Variants in FAM168A observed in about 807,000 individuals in gnomAD.
The protein encoded by FAM168A is family with sequence similarity 168 member A, also known as protein FAM168A.
In FAM168A, 3 loss-of-function variants were observed where a neutral mutation model predicts 28.5. The observed-to-expected ratio is 0.11, with a 90% CI of 0.05 to 0.27. The LOEUF is 0.27. Ranked by LOEUF, FAM168A falls within the 10% of genes least tolerant of loss-of-function variation. FAM168A has a pLI of 1.00. For missense variants in FAM168A, 222 were observed against 311.5 expected (o/e 0.71, Z 2.16); for synonymous variants, 122 against 124.2 (o/e 0.98, Z 0.12).
At chr11:73,493,117 A>C (rs1035090248) in intron 1 of FAM168A, among the ~76,000 whole-genome samples, 1 of 152,116 alleles carries the variant, frequency 6.6e-6, no homozygotes, top group African/African-American at 2.4e-5. Flanking sequence ...AACTTCAGCA[A>C]CATGCAATGT....
chr11:73,486,415 T>C (rs1379818937), intron 1 of FAM168A, among the ~76,000 whole-genome samples: 1 of 152,224 alleles, frequency 6.6e-6, no homozygotes, highest in Non-Finnish European at 1.5e-5. Flanking sequence ...ATTCTGTCTC[T>C]AAATTTAACT....
At chr11:73,537,549 A>T (rs2134672562) in intron 1 of FAM168A, among the ~76,000 whole-genome samples, 1 of 152,278 alleles carries the variant, frequency 6.6e-6, no homozygotes, top group South Asian at 2.1e-4. Context: ...AGCTGTTCCC[A>T]AAAGGCAATT....
At chr11:73,506,332 TAAG>T (rs1347746665) in intron 1 of FAM168A, among the ~76,000 whole-genome samples, 4 of 150,540 alleles carry the variant, frequency 2.7e-5, no homozygotes, top group South Asian at 2.1e-4. Flanking sequence ...TCTATAGAAA[TAAG>T]AAGAAAGGAG....
chr11:73,488,526 A>C (rs958848005), intron 1 of FAM168A, among the ~76,000 whole-genome samples: 1 of 152,066 alleles, frequency 6.6e-6, no homozygotes, highest in Non-Finnish European at 1.5e-5. Context: ...TCTCACTCTC[A>C]ACTAGTGATT....
chr11:73,523,771 T>C (rs1298072242), intron 1 of FAM168A, among the ~76,000 whole-genome samples: 5 of 152,124 alleles, frequency 3.3e-5, no homozygotes, highest in Non-Finnish European at 7.4e-5. Flanking sequence ...CTATCTCATT[T>C]AGGTATATCA....
chr11:73,445,883 A>T (rs1237460426), intron 2 of FAM168A, among the ~76,000 whole-genome samples: 1 of 152,200 alleles, frequency 6.6e-6, no homozygotes, highest in Non-Finnish European at 1.5e-5. Context: ...TATTAAATGA[A>T]CATCTCCCAT....
rs1866461403 is a variant in FAM168A at position 73,404,195 on chromosome 11, T to TA, written c.*2567_*2568insT. The TA allele has an allele frequency of 6.6e-6, 1 of 152,194 alleles. No homozygotes were observed. Among genetic ancestry groups the TA allele is most frequent in the South Asian group, 2.1e-4 (1 of 4,816 alleles). The allele number at this position is 152,194 out of a possible 1,614,324, so 9.4% of individuals were successfully genotyped here. A position where few individuals can be genotyped will look rare whatever the true frequency, so the allele number is the denominator to read the frequency against. On this transcript the variant is annotated 3_prime_UTR_variant, in exon 8 of 8. Transcript: ENST00000356467. Reference sequence around the variant, plus strand: ...CAAAAGTTACAAGGTCATTCCTAGGTCTCCTCTTCTTCCTTTCTCCTCTCT... The same window carrying TA: ...CAAAAGTTACAAGGTCATTCCTAGGTACTCCTCTTCTTCCTTTCTCCTCTCT...
chr11:73,445,923 C>G (rs1867304299), intron 2 of FAM168A, among the ~76,000 whole-genome samples: 1 of 152,114 alleles, frequency 6.6e-6, no homozygotes, highest in African/African-American at 2.4e-5. Context: ...AACTGGGGCT[C>G]TAAGAGGTTA....
At chr11:73,573,745 G>A (rs1944137612) in intron 1 of FAM168A, among the ~76,000 whole-genome samples, 1 of 151,472 alleles carries the variant, frequency 6.6e-6, no homozygotes, top group Non-Finnish European at 1.5e-5. Context: ...TTGGCTGGAG[G>A]ACAGGAGTTC....
intron 1 of FAM168A, among the ~76,000 whole-genome samples, chr11:73,534,049 T>C (rs1220648626): frequency 2.6e-5 from 4 of 152,204 alleles, no homozygotes; most frequent in Non-Finnish European, 5.9e-5. Context: ...CCTTCAAACA[T>C]GGTAATACAT....
Position 73,409,543 on chromosome 11 carries a change from C to T in FAM168A, c.539G>A (p.Arg180Lys), listed in dbSNP as rs944283771. The change falls in exon 6 of 8, where the codon AGG becomes AAG. Residue 180 changes from arginine (R) to lysine (K), a missense_variant. Coordinates refer to ENST00000356467, the MANE Select transcript of FAM168A (RefSeq NM_015159.3). ...CATGCCCATGGCCACACCGTTGGTCCTCGGGGCGGCAACAGGTGCTGGGTA... is the reference window on the plus strand; with the variant it reads ...CATGCCCATGGCCACACCGTTGGTCTTCGGGGCGGCAACAGGTGCTGGGTA... ...AIYPAPVAAPRTNGVAMGMVA... is the reference protein window; with the variant it reads ...AIYPAPVAAPKTNGVAMGMVA... 1 of 1,613,978 alleles carries T rather than the reference C, an allele frequency of 6.2e-7. No individual in the cohort carries two copies. The highest frequency in any genetic ancestry group is 8.5e-7 in the Non-Finnish European group (1 of 1,179,924).
At chr11:73,409,313 T>G (rs1419751292) in intron 6 of FAM168A, among the ~76,000 whole-genome samples, 174 bp downstream of exon 6, 2 of 152,190 alleles carry the variant, frequency 1.3e-5, no homozygotes, top group Non-Finnish European at 2.9e-5. Context: ...TCCTTCTTGG[T>G]GAAATCTTCC....
In FAM168A at chr11:73,445,419, C is replaced by CTTTTTTTTTTT. The variant is rs56294455; in HGVS notation, c.71-14660_71-14650dup. On this transcript the variant is annotated intron_variant, in intron 2 of 7. Coordinates refer to ENST00000356467, the MANE Select transcript of FAM168A (RefSeq NM_015159.3). ...CCAGTAGATATATGTAAAAATGTCT[C>CTTTTTTTTTTT]TTTTTTTTTTTTTTTTTTTTTTTTT... is the stretch of plus-strand genomic sequence containing the variant. Among the ~76,000 whole-genome samples, 398 of 50,476 alleles carry CTTTTTTTTTTT rather than the reference C, an allele frequency of 7.9e-3. 42 individuals carry two copies. The highest frequency in any genetic ancestry group is 0.015 in the Middle Eastern group (1 of 68). 33.1% of individuals were successfully genotyped at this position (50,476 alleles called of 152,430 possible).
chr11:73,501,689 A>G (rs1855012728), intron 1 of FAM168A, among the ~76,000 whole-genome samples: 1 of 152,176 alleles, frequency 6.6e-6, no homozygotes, highest in South Asian at 2.1e-4. Flanking sequence ...TAGCTAAAGC[A>G]GTATTAAGAG....
chr11:73,484,682 CTATAGATA>C (rs1345145390), intron 1 of FAM168A, among the ~76,000 whole-genome samples: 2 of 128,842 alleles, frequency 1.6e-5, no homozygotes, highest in African/African-American at 2.8e-5. Flanking sequence ...ATATGTATCG[CTATAGATA>C]TATAGATATA....
At chr11:73,533,989 C>G (rs1185478198) in intron 1 of FAM168A, among the ~76,000 whole-genome samples, 1 of 152,038 alleles carries the variant, frequency 6.6e-6, no homozygotes, top group Non-Finnish European at 1.5e-5. Context: ...GATTCAAAAC[C>G]CAAGCCTCTC....
chr11:73,503,212 T>A (rs1354780028), intron 1 of FAM168A, among the ~76,000 whole-genome samples: 1 of 152,158 alleles, frequency 6.6e-6, no homozygotes, highest in Non-Finnish European at 1.5e-5. Context: ...AGTCAAGTTG[T>A]CTCTGTTTGA....
intron 2 of FAM168A, among the ~76,000 whole-genome samples, chr11:73,442,274 C>T (rs973581142): frequency 7.2e-5 from 11 of 151,902 alleles, no homozygotes; most frequent in African/African-American, 2.7e-4. Flanking sequence ...TACAGGCGCC[C>T]GCCACCACGC....
At chr11:73,513,355 G>A (rs575532922) in intron 1 of FAM168A, among the ~76,000 whole-genome samples, 144 of 150,524 alleles carry the variant, frequency 9.6e-4, no homozygotes, top group African/African-American at 2.0e-3. Context: ...GACTACAGGC[G>A]TCCAACACCA....
Sources: allele counts gnomAD v4.1 joint callset (sites outside exome capture counted in the v4.1 genomes callset), GRCh38; gene constraint gnomAD v4.1.1; transcripts MANE v1.5; gene names NCBI Gene and HGNC (gene_info 2026-07-23, HGNC 2026-07-21).